DCUN1D4: variants seen among roughly 807,000 people sequenced by gnomAD.
DCUN1D4 encodes defective in cullin neddylation 1 domain containing 4.
In DCUN1D4, 22 loss-of-function variants were observed where a neutral mutation model predicts 47.9. That is an observed-to-expected ratio of 0.46 (90% CI 0.33 to 0.66). The LOEUF (loss-of-function observed/expected upper bound fraction) is 0.66. DCUN1D4 is among the 30% of genes least tolerant of loss of function. The pLI is 0.02. For missense variants in DCUN1D4, 301 were observed against 340.8 expected (o/e 0.88, Z 0.92); for synonymous variants, 121 against 112.2 (o/e 1.08, Z -0.50).
At chr4:51,859,996 A>T (rs1045085944) in intron 1 of DCUN1D4, among the ~76,000 whole-genome samples, 1 of 152,172 alleles carries the variant, frequency 6.6e-6, no homozygotes, top group African/African-American at 2.4e-5. Flanking sequence ...CTAGGCCTTA[A>T]GGAGGTGAAA....
At chr4:51,899,963 C>T (rs888235657) in intron 8 of DCUN1D4, among the ~76,000 whole-genome samples, 2 of 152,150 alleles carry the variant, frequency 1.3e-5, no homozygotes, top group Non-Finnish European at 2.9e-5. Context: ...TACTTTTCAG[C>T]CTAGTCACCA....
At chr4:51,885,432 G>C (rs1729316832) in intron 5 of DCUN1D4, among the ~76,000 whole-genome samples, 1 of 152,166 alleles carries the variant, frequency 6.6e-6, no homozygotes, top group Non-Finnish European at 1.5e-5. Flanking sequence ...CCACCAGCTG[G>C]GACAGCATAC....
intron 1 of DCUN1D4, among the ~76,000 whole-genome samples, chr4:51,850,599 A>G (rs1723224432): frequency 6.6e-6 from 1 of 152,156 alleles, no homozygotes; most frequent in Non-Finnish European, 1.5e-5. Flanking sequence ...GGTATCTACT[A>G]TGTACCAGGC....
Position 51,913,728 on chromosome 4 carries a change from T to C in DCUN1D4, c.*144T>C. The C allele has an allele frequency of 1.4e-6, 1 of 726,392 alleles. No homozygotes were observed. Among genetic ancestry groups the C allele is most frequent in the Non-Finnish European group, 2.3e-6 (1 of 431,974 alleles). 45.0% of individuals were successfully genotyped at this position (726,392 alleles called of 1,614,324 possible). A position where few individuals can be genotyped will look rare whatever the true frequency, so the allele number is the denominator to read the frequency against. ...GGACATGTTGGTGTTTGCTATTGAA[T>C]TGGCCAGCTCTGCTTGCTGTGTGGC... On this transcript the variant is annotated 3_prime_UTR_variant, in exon 11 of 11. Coordinates refer to ENST00000334635, the MANE Select transcript of DCUN1D4 (RefSeq NM_001040402.3).
At chr4:51,905,615 C>T (rs2110120073) in intron 8 of DCUN1D4, among the ~76,000 whole-genome samples, 1 of 152,214 alleles carries the variant, frequency 6.6e-6, no homozygotes, top group Non-Finnish European at 1.5e-5. Context: ...AGAGAATAGA[C>T]TAAAATGCTA....
At chr4:51,859,590 A>AT (rs200617725) in intron 1 of DCUN1D4, among the ~76,000 whole-genome samples, 32 of 83,618 alleles carry the variant, frequency 3.8e-4, no homozygotes, top group East Asian at 1.6e-3. Context: ...AATGGCATTC[A>AT]TTTTTTTTTC....
At chr4:51,847,259 G>C (rs191408169) in intron 1 of DCUN1D4, among the ~76,000 whole-genome samples, 2 of 151,974 alleles carry the variant, frequency 1.3e-5, no homozygotes, top group African/African-American at 2.4e-5. Flanking sequence ...AAGAATTAGG[G>C]GTGACTTGCT....
intron 3 of DCUN1D4, among the ~76,000 whole-genome samples, chr4:51,869,586 G>A (rs1248454735): frequency 1.3e-5 from 2 of 151,636 alleles, no homozygotes; most frequent in Non-Finnish European, 2.9e-5. Context: ...TTTTACTTGA[G>A]GACCACAAAG....
chr4:51,855,994 A>G (rs185735598), intron 1 of DCUN1D4, among the ~76,000 whole-genome samples: 16 of 152,350 alleles, frequency 1.1e-4, no homozygotes, highest in African/African-American at 3.4e-4. Context: ...AGGCTGAGCC[A>G]TGTGACCCAT....
intron 7 of DCUN1D4, among the ~76,000 whole-genome samples, chr4:51,893,187 C>A (rs192359951): frequency 6.6e-6 from 1 of 152,148 alleles, no homozygotes; most frequent in Non-Finnish European, 1.5e-5. Context: ...AAATCACATT[C>A]TTCCTTCTAA....
At chr4:51,858,036 C>T (rs1724416643) in intron 1 of DCUN1D4, among the ~76,000 whole-genome samples, 1 of 152,016 alleles carries the variant, frequency 6.6e-6, no homozygotes, top group African/African-American at 2.4e-5. Context: ...GGTATTAATG[C>T]TGTGAAGAAA....
chr4:51,899,237 A>T, intron 7 of DCUN1D4, 33 bp from the exon 8 acceptor site: 1 of 1,545,166 alleles, frequency 6.5e-7, no homozygotes, highest in South Asian at 1.2e-5. Flanking sequence ...AAATGAACTC[A>T]GGTCATAATT....
At chr4:51,838,089 T>G (rs987412933), upstream of DCUN1D4, among the ~76,000 whole-genome samples, 1 of 152,052 alleles carries the variant, frequency 6.6e-6, no homozygotes, top group African/African-American at 2.4e-5. Flanking sequence ...CAAGAATCAC[T>G]TGAACTCAGG....
intron 1 of DCUN1D4, among the ~76,000 whole-genome samples, chr4:51,859,295 T>C (rs989436378): frequency 2.6e-5 from 4 of 152,210 alleles, no homozygotes; most frequent in Admixed American, 6.5e-5. Context: ...AGTTTATTCC[T>C]ATATGTATTG....
intron 6 of DCUN1D4, among the ~76,000 whole-genome samples, chr4:51,889,805 AC>A (rs1057080721): frequency 6.6e-6 from 1 of 152,058 alleles, no homozygotes; most frequent in African/African-American, 2.4e-5. Context: ...AAGAACTGTA[AC>A]CCCATCTTTT....
chr4:51,862,314 C>G (rs576174869), intron 1 of DCUN1D4, among the ~76,000 whole-genome samples: 13 of 152,364 alleles, frequency 8.5e-5, no homozygotes, highest in African/African-American at 2.4e-4. Context: ...GGATGCCCAA[C>G]AAGCTTTAGA....
At chr4:51,882,710 TGAGCC>T (rs1181077334) in intron 5 of DCUN1D4, among the ~76,000 whole-genome samples, 1 of 152,074 alleles carries the variant, frequency 6.6e-6, no homozygotes, top group African/African-American at 2.4e-5. Flanking sequence ...GAGCTTGCAG[TGAGCC>T]GAGATTGCAC....
chr4:51,888,705 C>T (rs1172871575), intron 6 of DCUN1D4, among the ~76,000 whole-genome samples: 1 of 139,120 alleles, frequency 7.2e-6, no homozygotes, highest in African/African-American at 2.6e-5. Flanking sequence ...GCCTGGGCAA[C>T]AGAGCAGGAC....
intron 5 of DCUN1D4, among the ~76,000 whole-genome samples, chr4:51,885,340 T>C (rs1298953862): frequency 1.3e-5 from 2 of 151,966 alleles, no homozygotes; most frequent in Admixed American, 1.3e-4. Flanking sequence ...GAAGGTAAAA[T>C]TGGTAGTACA....
Sources: allele counts gnomAD v4.1 joint callset (sites outside exome capture counted in the v4.1 genomes callset), GRCh38; gene constraint gnomAD v4.1.1; transcripts MANE v1.5; gene names NCBI Gene and HGNC (gene_info 2026-07-23, HGNC 2026-07-21).